The following BCL11A variants were observed in gnomAD, a reference collection of about 807,000 sequenced individuals.
BCL11A encodes the protein BCL11 transcription factor A.
In BCL11A, 2 loss-of-function variants were observed where a neutral mutation model predicts 55.9. The ratio of observed to expected loss-of-function variants is 0.04; its 90% CI spans 0.01 to 0.11. The LOEUF (loss-of-function observed/expected upper bound fraction) is 0.11. BCL11A is among the 10% of genes least tolerant of loss of function. The pLI, the probability that BCL11A is intolerant of heterozygous loss-of-function variation, is 1.00. For missense variants in BCL11A, 817 were observed against 1,137.1 expected, an observed-to-expected ratio of 0.72 and a Z score of 4.05; for synonymous variants, 465 against 473.4, an observed-to-expected ratio of 0.98 and a Z score of 0.23.
At chr2:60,462,472 G>C in intron 3 of BCL11A, 48 bp from the exon 4 acceptor site, 1 of 1,554,210 alleles carries the variant, frequency 6.4e-7, no homozygotes, top group South Asian at 1.2e-5. Context: ...ACTGAGGCGG[G>C]CATCAGCAAT....
chr2:60,485,511 T>C (rs1678226559), intron 2 of BCL11A, among the ~76,000 whole-genome samples: 1 of 152,208 alleles, frequency 6.6e-6, no homozygotes, highest in African/African-American at 2.4e-5. Flanking sequence ...CTCTTTTATA[T>C]TCTACCTATA....
At chr2:60,508,719 G>A (rs1328112531) in intron 2 of BCL11A, 1 of 152,288 alleles carries the variant, frequency 6.6e-6, no homozygotes, top group Non-Finnish European at 1.5e-5. Flanking sequence ...CAGGGGCCGT[G>A]GGAATAGCTG....
At chr2:60,544,280 G>C (rs1008968426) in intron 2 of BCL11A, 5 of 152,246 alleles carry the variant, frequency 3.3e-5, no homozygotes, top group African/African-American at 1.2e-4. Context: ...GATCTCCGAA[G>C]ACGACAAATC....
intron 2 of BCL11A, among the ~76,000 whole-genome samples, chr2:60,520,917 G>A (rs1225776861): frequency 1.3e-5 from 2 of 152,130 alleles, no homozygotes; most frequent in African/African-American, 2.4e-5. Flanking sequence ...TGTGCCAACA[G>A]TAGAAAGAAG....
intron 2 of BCL11A, among the ~76,000 whole-genome samples, chr2:60,478,925 C>G (rs1475506429): frequency 6.6e-6 from 1 of 152,142 alleles, no homozygotes; most frequent in Non-Finnish European, 1.5e-5. Context: ...CAAAGTCCCA[C>G]AGAACAAAAC....
At chr2:60,494,698 C>T (rs1457796621) in intron 2 of BCL11A, among the ~76,000 whole-genome samples, 1 of 152,152 alleles carries the variant, frequency 6.6e-6, no homozygotes, top group Non-Finnish European at 1.5e-5. Context: ...GTATATGCTT[C>T]ATAGGGTTTG....
intron 2 of BCL11A, chr2:60,526,278 A>AT (rs1254848685): frequency 6.6e-6 from 1 of 152,228 alleles, no homozygotes; most frequent in Non-Finnish European, 1.5e-5. Flanking sequence ...TCCCCAAAAG[A>AT]TTTTTAAATA....
At chr2:60,529,912 C>T (rs1016501312) in intron 2 of BCL11A, among the ~76,000 whole-genome samples, 1 of 152,214 alleles carries the variant, frequency 6.6e-6, no homozygotes, top group Non-Finnish European at 1.5e-5. Context: ...CCCAGCAGCT[C>T]CTCTGGTGGG....
intron 2 of BCL11A, among the ~76,000 whole-genome samples, chr2:60,481,033 C>A (rs1254090331): frequency 6.6e-6 from 1 of 152,172 alleles, no homozygotes; most frequent in South Asian, 2.1e-4. Context: ...CCCCCAGCTG[C>A]CTCCCTGCCT....
intron 2 of BCL11A, among the ~76,000 whole-genome samples, chr2:60,501,634 G>A (rs1330411800): frequency 3.3e-5 from 5 of 151,170 alleles, no homozygotes; most frequent in Admixed American, 6.6e-5. Flanking sequence ...AGCCTCCTGA[G>A]TAGCTGGGAT....
chr2:60,474,735 C>A (rs1333451667), intron 2 of BCL11A, among the ~76,000 whole-genome samples: 2 of 152,182 alleles, frequency 1.3e-5, no homozygotes, highest in African/African-American at 4.8e-5. Flanking sequence ...CTCATGCATT[C>A]ATTCAACCTC....
chr2:60,517,331 C>A (rs990943736), intron 2 of BCL11A, among the ~76,000 whole-genome samples: 9 of 152,180 alleles, frequency 5.9e-5, no homozygotes, highest in Non-Finnish European at 1.0e-4. Flanking sequence ...CCCAGAAGGG[C>A]CACACTTTGG....
At chr2:60,531,527 T>C (rs975757497) in intron 2 of BCL11A, among the ~76,000 whole-genome samples, 1 of 152,180 alleles carries the variant, frequency 6.6e-6, no homozygotes, top group Non-Finnish European at 1.5e-5. Flanking sequence ...TAATAAATAA[T>C]ATTAATGAAA....
At chr2:60,526,043 G>T (rs978948437) in intron 2 of BCL11A, 5 of 152,146 alleles carry the variant, frequency 3.3e-5, no homozygotes, top group Admixed American at 2.6e-4. Context: ...CAGCAGGGCT[G>T]GGAAAAAAGA....
intron 3 of BCL11A, among the ~76,000 whole-genome samples, chr2:60,466,677 G>A (rs563426409): frequency 9.9e-4 from 151 of 152,258 alleles, no homozygotes; most frequent in African/African-American, 3.4e-3. Context: ...TTACAAGATG[G>A]GTAAGTGTCA....
intron 3 of BCL11A, among the ~76,000 whole-genome samples, chr2:60,466,120 C>T (rs1676593671): frequency 6.6e-6 from 1 of 152,200 alleles, no homozygotes; most frequent in Admixed American, 6.5e-5. Context: ...AGCAGGGGCA[C>T]CAGCAAACTA....
intron 2 of BCL11A, among the ~76,000 whole-genome samples, chr2:60,523,076 C>A (rs1016311433): frequency 3.9e-5 from 6 of 152,178 alleles, no homozygotes; most frequent in Non-Finnish European, 8.8e-5. Context: ...GACTTAATAT[C>A]TTTCAGGATA....
rs1676350688 is a variant in BCL11A, at chr2:60,462,156, G to A, written c.756C>T (p.Ser252=). The A allele has an allele frequency of 5.1e-6, 8 of 1,568,938 alleles. No homozygotes were observed. The highest frequency in any genetic ancestry group is 2.7e-5 in the African/African-American group (2 of 73,526). The part of the protein sequence containing the change: ...RIPGSVSREA[S]GLAEGRFPPT... ...GTGGAAAGCGCCCTTCTGCCAGGCC[G>A]GAAGCCTCTCTCGATACTGATCCTG... The change falls in exon 4 of 4, where the codon TCC becomes TCT. Residue 252 remains serine, a synonymous_variant. Coordinates refer to ENST00000642384, the MANE Select transcript of BCL11A (RefSeq NM_022893.4).
intron 2 of BCL11A, among the ~76,000 whole-genome samples, chr2:60,492,933 A>T (rs1316611405): frequency 1.3e-5 from 2 of 152,158 alleles, no homozygotes; most frequent in Admixed American, 1.3e-4. Context: ...CAAGATACAG[A>T]ACACGTCCAC....
Sources: allele counts gnomAD v4.1 joint callset (sites outside exome capture counted in the v4.1 genomes callset), GRCh38; gene constraint gnomAD v4.1.1; transcripts MANE v1.5; gene names NCBI Gene and HGNC (gene_info 2026-07-23, HGNC 2026-07-21).